The following ACACB variants were observed in gnomAD, a reference collection of about 807,000 sequenced individuals.
The protein encoded by ACACB is acetyl-CoA carboxylase beta.
Under a neutral mutation model 278.8 loss-of-function variants are expected in ACACB, and 209 were observed. The ratio of observed to expected loss-of-function variants is 0.75; its 90% confidence interval spans 0.67 to 0.84. The LOEUF is 0.84. ACACB is among the 40% of genes least tolerant of loss of function. ACACB has a pLI of 0.00. For missense variants in ACACB, 2,850 were observed against 3,269.0 expected, an observed-to-expected ratio of 0.87 and a Z score of 3.13; for synonymous variants, 1,174 against 1,285.6, an observed-to-expected ratio of 0.91 and a Z score of 1.86.
intron 1 of ACACB, among the ~76,000 whole-genome samples, chr12:109,122,519 G>A (rs1023920644): frequency 3.6e-5 from 5 of 138,174 alleles, no homozygotes; most frequent in Non-Finnish European, 6.0e-5. Flanking sequence ...GCTGCAATGA[G>A]CTATGATTGT....
In ACACB at chr12:109,242,472, C is replaced by A. The variant is rs985377273; in HGVS notation, c.5058C>A (p.Pro1686=). ...MFHSFGNKQG[P]QHGMLINTPY... is the part of the protein sequence containing the mutation. ...ACTCCTTCGGCAACAAGCAAGGGCC[C>A]CAGCACGGGATGCTGATCAATACTC... Residue 1686 remains proline, a synonymous_variant, in exon 37 of 53, where the codon CCC becomes CCA. Transcript: ENST00000338432. 2 of 1,614,054 alleles carry A rather than the reference C, an allele frequency of 1.2e-6. No individual in the cohort carries two copies. Among genetic ancestry groups the A allele is most frequent in the African/African-American group, 2.7e-5 (2 of 75,034 alleles).
chr12:109,241,853 T>A (rs1297937595), intron 36 of ACACB: 1 of 158,388 alleles, frequency 6.3e-6, no homozygotes, highest in African/African-American at 2.4e-5. Context: ...TTTAAAGAGA[T>A]ATTGCCTAGA....
rs868820338 is a variant in ACACB at position 109,247,769 on chromosome 12, G to A, written c.5669+66G>A. ...TTAATTTCAGCTGTCTTCTTTCCTCGGGGCTTGTGGCGATATTTTCCAGTG... is the reference window on the plus strand; with the variant it reads ...TTAATTTCAGCTGTCTTCTTTCCTCAGGGCTTGTGGCGATATTTTCCAGTG... On this transcript the variant is annotated intron_variant, in intron 40 of 52. Coordinates refer to ENST00000338432, the MANE Select transcript of ACACB (RefSeq NM_001093.4). 39 of 1,323,748 alleles carry A rather than the reference G, an allele frequency of 2.9e-5. No homozygotes were observed. In the African/African-American group the frequency reaches 3.2e-4, roughly 11 times the overall value. The allele number at this position is 1,323,748 out of a possible 1,614,324, so 82.0% of individuals were successfully genotyped here.
chr12:109,196,503 T>A (rs896357279), intron 16 of ACACB, among the ~76,000 whole-genome samples: 2 of 152,158 alleles, frequency 1.3e-5, no homozygotes, highest in African/African-American at 4.8e-5. Flanking sequence ...AGGGGATCTT[T>A]TATAAGGGCA....
chr12:109,231,616 C>CA (rs2046474571), intron 28 of ACACB, among the ~76,000 whole-genome samples: 1 of 152,116 alleles, frequency 6.6e-6, no homozygotes, highest in African/African-American at 2.4e-5. Context: ...TAGGAGAACT[C>CA]ACAGGTCTCG....
chr12:109,246,491 A>T, intron 39 of ACACB, 43 bp downstream of exon 39: 8 of 1,589,892 alleles, frequency 5.0e-6, no homozygotes, highest in Non-Finnish European at 6.9e-6. Flanking sequence ...CTGCTCAGCT[A>T]CTACTGTATT....
Position 109,178,145 on chromosome 12 carries a change from T to C in ACACB, c.1438-943T>C, listed in dbSNP as rs375563993. ...GGCTCTTTTCAGCACTGTCACTGTATATACTTTTACATAGACATTCATACA... is the reference window on the plus strand; with the variant it reads ...GGCTCTTTTCAGCACTGTCACTGTACATACTTTTACATAGACATTCATACA... On this transcript the variant is annotated intron_variant, in intron 9 of 52. Coordinates refer to ENST00000338432, the MANE Select transcript of ACACB (RefSeq NM_001093.4). 8.5e-5 allele frequency among the ~76,000 whole-genome samples: 13 copies of C among 152,370 alleles called. No individual in the cohort carries two copies. The East Asian group carries it at 1.7e-3, about 20-fold the overall frequency.
intron 1 of ACACB, among the ~76,000 whole-genome samples, chr12:109,121,010 G>A (rs749290183): frequency 3.3e-5 from 5 of 152,158 alleles, no homozygotes; most frequent in Non-Finnish European, 7.3e-5. Flanking sequence ...CGTGATCTCA[G>A]CTAACTGCAA....
At chr12:109,205,054 A>T (rs1009734981) in intron 19 of ACACB, among the ~76,000 whole-genome samples, 2 of 152,158 alleles carry the variant, frequency 1.3e-5, no homozygotes, top group Non-Finnish European at 2.9e-5. Flanking sequence ...GGGTTTCACT[A>T]GGTTGGCCAG....
Position 109,264,309 on chromosome 12 carries a change from A to G in ACACB, c.6865A>G (p.Ile2289Val), listed in dbSNP as rs758944938. 2.5e-6 allele frequency: 4 copies of G among 1,613,958 alleles called. No individual in the cohort carries two copies. Among genetic ancestry groups the G allele is most frequent in the Admixed American group, 1.7e-5 (1 of 59,982 alleles). Residue 2289 changes from isoleucine to valine, a missense_variant, in exon 50 of 53, where the codon ATC becomes GTC. Coordinates refer to ENST00000338432, the MANE Select transcript of ACACB (RefSeq NM_001093.4). Reference sequence around the variant, plus strand: ...GGCTCGCGAGGACCTGCTGCTCCCCATCTACCACCAGGTGGCGGTGCAGTT... The same window carrying G: ...GGCTCGCGAGGACCTGCTGCTCCCCGTCTACCACCAGGTGGCGGTGCAGTT... ...LKAREDLLLPIYHQVAVQFAD... is the reference protein window; with the variant it reads ...LKAREDLLLPVYHQVAVQFAD...
Position 109,232,801 on chromosome 12 carries a change from C to T in ACACB, c.4134C>T (p.Phe1378=), listed in dbSNP as rs1360816640. ...TAGCCTTCAGGAGATTCGAGGACTT[C>T]ACCAGGTACCCAGCATGGCCCGGTC... ...AMVAFRRFED[F]TRNFDEVISC... is the part of the protein sequence containing the mutation. Residue 1378 remains phenylalanine (F), a synonymous_variant, in exon 29 of 53, where the codon TTC becomes TTT. Coordinates refer to ENST00000338432, the MANE Select transcript of ACACB (RefSeq NM_001093.4). 6.2e-7 allele frequency: 1 copy of T among 1,614,124 alleles called. No individual in the cohort carries two copies. Among genetic ancestry groups the T allele is most frequent in the Non-Finnish European group, 8.5e-7 (1 of 1,180,004 alleles).
chr12:109,206,890 A>G (rs2045534625), intron 20 of ACACB, 34 bp downstream of exon 20: 16 of 1,613,062 alleles, frequency 9.9e-6, no homozygotes, highest in Non-Finnish European at 1.4e-5. Context: ...CGTGTAGACC[A>G]GTGCGGAGGG....
chr12:109,247,632 C>A lies in ACACB; in HGVS notation c.5598C>A (p.Pro1866=). 1.2e-6 allele frequency: 2 copies of A among 1,613,932 alleles called. No individual in the cohort carries two copies. The highest frequency in any genetic ancestry group is 1.7e-6 in the Non-Finnish European group (2 of 1,179,908). The change falls in exon 40 of 53, where the codon CCC becomes CCA. Residue 1866 remains proline, a synonymous_variant. Transcript: ENST00000338432. ...HKGFKYLYLT[P]QDYTRISSLN... ...GATTTAAATACCTGTACCTGACTCC[C>A]CAAGACTACACCAGAATCAGCTCCC...
At chr12:109,255,058 AGCCACCATGCCTG>A (rs985672911) in intron 44 of ACACB, among the ~76,000 whole-genome samples, 2 of 152,120 alleles carry the variant, frequency 1.3e-5, no homozygotes, top group African/African-American at 4.8e-5. Flanking sequence ...TACAGACATG[AGCCACCATGCCTG>A]GCCAATTTTA....
At chr12:109,120,140 C>T (rs1406869042) in intron 1 of ACACB, among the ~76,000 whole-genome samples, 1 of 152,150 alleles carries the variant, frequency 6.6e-6, no homozygotes, top group African/African-American at 2.4e-5. Context: ...AGGAAGGCTT[C>T]GGTCTTTTAT....
At chr12:109,140,158 GC>G in intron 2 of ACACB, 100 bp downstream of exon 2, 2 of 1,304,938 alleles carry the variant, frequency 1.5e-6, no homozygotes, top group Non-Finnish European at 1.0e-6. Flanking sequence ...GTTTGCTGAT[GC>G]CAAAGCTTCA....
At chr12:109,178,990 C>A in intron 9 of ACACB, 98 bp from the exon 10 acceptor site, 2 of 1,129,780 alleles carry the variant, frequency 1.8e-6, no homozygotes, top group Non-Finnish European at 2.6e-6. Flanking sequence ...ACCCTAAACA[C>A]ATCACTGCGT....
intron 19 of ACACB, 43 bp downstream of exon 19, chr12:109,201,744 C>G: frequency 6.2e-7 from 1 of 1,601,906 alleles, no homozygotes; most frequent in Non-Finnish European, 8.5e-7. Context: ...GGTGCAGGTG[C>G]ACTCGTGACC....
chr12:109,140,313 T>A (rs1174575897), intron 2 of ACACB, among the ~76,000 whole-genome samples: 1 of 144,276 alleles, frequency 6.9e-6, no homozygotes, highest in Non-Finnish European at 1.5e-5. Context: ...CTTCCTTCCT[T>A]CCTTCCTTCC....
Sources: allele counts gnomAD v4.1 joint callset (sites outside exome capture counted in the v4.1 genomes callset), GRCh38; gene constraint gnomAD v4.1.1; transcripts MANE v1.5; gene names NCBI Gene and HGNC (gene_info 2026-07-23, HGNC 2026-07-21).